SPOCK1: variants seen among roughly 807,000 people sequenced by gnomAD.
SPOCK1 encodes the protein SPARC (osteonectin), cwcv and kazal like domains proteoglycan 1.
A neutral mutation model predicts 55.3 loss-of-function variants in SPOCK1; 23 were observed. The ratio of observed to expected loss-of-function variants is 0.42; its 90% CI spans 0.30 to 0.59. The LOEUF (loss-of-function observed/expected upper bound fraction) is 0.59, where lower values mean the gene tolerates loss of function less well. Among genes scored for constraint, SPOCK1 ranks in the 20% least tolerant of loss-of-function variants. The pLI is 0.22. For missense variants in SPOCK1, 499 were observed against 552.5 expected (o/e 0.90, Z 0.97); for synonymous variants, 226 against 221.0 (o/e 1.02, Z -0.20).
intron 3 of SPOCK1, among the ~76,000 whole-genome samples, chr5:137,182,618 T>C (rs949226015): frequency 8.5e-5 from 13 of 152,142 alleles, no homozygotes; most frequent in African/African-American, 2.9e-4. Flanking sequence ...CTCCTCACAC[T>C]AAACCTCTGG....
At chr5:137,000,116 G>A (rs1453354569) in intron 6 of SPOCK1, among the ~76,000 whole-genome samples, 1 of 152,132 alleles carries the variant, frequency 6.6e-6, no homozygotes, top group Admixed American at 6.5e-5. Context: ...TAAGGAGTTG[G>A]GCGAGACTCA....
At chr5:137,282,856 G>A (rs749907366) in intron 2 of SPOCK1, among the ~76,000 whole-genome samples, 44 of 152,208 alleles carry the variant, frequency 2.9e-4, no homozygotes, top group Non-Finnish European at 5.7e-4. Flanking sequence ...GCTCCTCTCT[G>A]AAGTGGGGCT....
At chr5:137,313,257 A>C (rs1757819753) in intron 2 of SPOCK1, among the ~76,000 whole-genome samples, 1 of 152,246 alleles carries the variant, frequency 6.6e-6, no homozygotes, top group African/African-American at 2.4e-5. Flanking sequence ...CACATAAGCC[A>C]GTCCCTGCTA....
At chr5:137,281,873 T>C (rs1000504462) in intron 2 of SPOCK1, among the ~76,000 whole-genome samples, 2 of 152,228 alleles carry the variant, frequency 1.3e-5, no homozygotes, top group African/African-American at 4.8e-5. Context: ...ACTCAGCTCT[T>C]AGCCCAGCTT....
chr5:137,069,074 T>A lies in SPOCK1; in HGVS notation c.475-1245A>T, dbSNP rs565564778. Among the ~76,000 whole-genome samples, 161 of 152,286 alleles carry A rather than the reference T, an allele frequency of 1.1e-3. 1 individual carries two copies. The highest frequency in any genetic ancestry group is 3.4e-3 in the African/African-American group (143 of 41,562). ...AGTCCTTGCCCTTGGAAAACACAAA[T>A]GCATACCTTTGAAAAAAGTCCACTA... is the stretch of plus-strand genomic sequence containing the variant. On this transcript the variant is annotated intron_variant, in intron 5 of 10. Transcript: ENST00000394945.
At chr5:137,015,285 C>CA (rs11440015) in intron 6 of SPOCK1, among the ~76,000 whole-genome samples, 72,654 of 139,258 alleles carry the variant, frequency 0.52, 18,459 homozygotes, top group East Asian at 0.66. Flanking sequence ...ACTAAAAATA[C>CA]AAAAAAAAAA....
chr5:137,100,871 AG>A (rs201543316), intron 5 of SPOCK1, among the ~76,000 whole-genome samples: 1 of 84,564 alleles, frequency 1.2e-5, no homozygotes, highest in Admixed American at 1.1e-4. Context: ...TGTTTCCGAA[AG>A]GGGAAAAAAA....
chr5:137,271,578 A>ACTACAGAACCTATGGGTC (rs36033515), intron 2 of SPOCK1, among the ~76,000 whole-genome samples: 1 of 151,934 alleles, frequency 6.6e-6, no homozygotes, highest in African/African-American at 2.4e-5. Context: ...ATCATAGCCA[A>ACTACAGAACCTATGGGTC]CAGCCCATTT....
At chr5:137,409,040 C>T (rs1752157939) in intron 2 of SPOCK1, among the ~76,000 whole-genome samples, 1 of 152,174 alleles carries the variant, frequency 6.6e-6, no homozygotes, top group South Asian at 2.1e-4. Flanking sequence ...AGAGCACAGC[C>T]TATCAGACTC....
intron 2 of SPOCK1, among the ~76,000 whole-genome samples, chr5:137,356,836 TATAGAGAG>T (rs1261336997): frequency 3.4e-4 from 3 of 8,778 alleles, no homozygotes; most frequent in African/African-American, 4.9e-4. Flanking sequence ...TATATATATA[TATAGAGAG>T]AGAGAGAGAG....
chr5:137,204,386 G>A (rs1755484351), intron 3 of SPOCK1, among the ~76,000 whole-genome samples: 1 of 152,158 alleles, frequency 6.6e-6, no homozygotes, highest in Non-Finnish European at 1.5e-5. Context: ...CAGCAGAAAT[G>A]ACTCAGCTCT....
intron 2 of SPOCK1, among the ~76,000 whole-genome samples, chr5:137,453,246 T>C (rs1753294660): frequency 6.6e-6 from 1 of 152,206 alleles, no homozygotes; most frequent in Non-Finnish European, 1.5e-5. Context: ...GTACCAGAAG[T>C]ACATCTCAAA....
chr5:137,417,163 A>G (rs1213035525), intron 2 of SPOCK1, among the ~76,000 whole-genome samples: 2 of 151,958 alleles, frequency 1.3e-5, no homozygotes, highest in Non-Finnish European at 2.9e-5. Context: ...GGACTTTCTA[A>G]GAGCCCAAGT....
At chr5:137,220,207 G>C (rs1580813691) in intron 3 of SPOCK1, among the ~76,000 whole-genome samples, 1 of 152,274 alleles carries the variant, frequency 6.6e-6, no homozygotes, top group Admixed American at 6.5e-5. Flanking sequence ...TCAAAATCAT[G>C]TCCTCCACAT....
intron 2 of SPOCK1, 32 bp downstream of exon 2, chr5:137,498,341 G>GC: frequency 2.0e-6 from 3 of 1,512,456 alleles, no homozygotes; most frequent in Non-Finnish European, 2.7e-6. Flanking sequence ...GAGGCTCCGC[G>GC]CCCCCCAGGG....
chr5:137,443,451 CT>C (rs941678502), intron 2 of SPOCK1, among the ~76,000 whole-genome samples: 17 of 152,330 alleles, frequency 1.1e-4, no homozygotes, highest in Admixed American at 7.8e-4. Context: ...ACCACTCCCC[CT>C]GAACAGTAGC....
chr5:137,264,677 C>T (rs1212809324), intron 3 of SPOCK1, among the ~76,000 whole-genome samples: 1 of 152,192 alleles, frequency 6.6e-6, no homozygotes, highest in Non-Finnish European at 1.5e-5. Flanking sequence ...TGGCTGTCAT[C>T]TTCCACTGGA....
chr5:137,161,013 T>C (rs1043790660), intron 3 of SPOCK1, among the ~76,000 whole-genome samples: 2 of 57,468 alleles, frequency 3.5e-5, no homozygotes. Context: ...GTGAGATATA[T>C]ATATATATAT....
At chr5:137,452,246 C>T (rs1239684303) in intron 2 of SPOCK1, among the ~76,000 whole-genome samples, 2 of 152,064 alleles carry the variant, frequency 1.3e-5, no homozygotes, top group East Asian at 1.9e-4. Context: ...CATCACATGC[C>T]GTGTGTTTTG....
Sources: allele counts gnomAD v4.1 joint callset (sites outside exome capture counted in the v4.1 genomes callset), GRCh38; gene constraint gnomAD v4.1.1; transcripts MANE v1.5; gene names NCBI Gene and HGNC (gene_info 2026-07-23, HGNC 2026-07-21).